The following ZNF446 variants were observed in gnomAD, a reference collection of about 807,000 sequenced individuals.
ZNF446 encodes the protein zinc finger protein 446, also known as zinc finger protein with KRAB and SCAN domains 20.
A neutral mutation model predicts 34.0 loss-of-function variants in ZNF446; 42 were observed. The observed-to-expected ratio is 1.23, with a 90% CI of 0.96 to 1.60. The LOEUF (loss-of-function observed/expected upper bound fraction) is 1.60, where lower values mean the gene tolerates loss of function less well. Among genes scored for constraint, ZNF446 ranks in the 40% most tolerant of loss-of-function variants. The pLI, the probability that ZNF446 is intolerant of heterozygous loss-of-function variation, is 0.00. For missense variants in ZNF446, 650 were observed against 600.2 expected (o/e 1.08, Z -0.87); for synonymous variants, 315 against 251.0 (o/e 1.25, Z -2.41).
the ZNF446 span, among the ~76,000 whole-genome samples, chr19:58,486,707 CT>C: frequency 2.1e-5 from 3 of 143,366 alleles, no homozygotes; most frequent in East Asian, 2.0e-4. Context: ...CCGCACCCAG[CT>C]TTTTTTTTTG....
At chr19:58,488,906 A>G in the ZNF446 span, among the ~76,000 whole-genome samples, 75,633 of 150,354 alleles carry the variant, frequency 0.5, 19,882 homozygotes, top group African/African-American at 0.66. Context: ...TGGTGAGGAA[A>G]TGAATACCAG....
chr19:58,487,487 C>A, the ZNF446 span, among the ~76,000 whole-genome samples: 8 of 152,060 alleles, frequency 5.3e-5, no homozygotes, highest in African/African-American at 1.9e-4. Flanking sequence ...ACCAAAAAAA[C>A]CCTCGACAAA....
rs1013825435 is a variant in ZNF446, at chr19:58,480,803, ACT to A, written c.*80_*81del. ...ACAGCCTCTGGGGCACCAGCAGAAG[ACT>A]CTGGAGGCAGCAGGGGATGCCAGAG... On this transcript the variant is annotated 3_prime_UTR_variant, in exon 7 of 7. Transcript: ENST00000594369. The surrounding 1 kb of genome is among the most constrained non-coding windows in gnomAD (Gnocchi z 7.2). 2 of 1,507,272 alleles carry A rather than the reference ACT, an allele frequency of 1.3e-6. No homozygotes were observed. Among genetic ancestry groups the A allele is most frequent in the African/African-American group, 1.4e-5 (1 of 72,566 alleles). The allele number at this position is 1,507,272 out of a possible 1,614,324, so 93.4% of individuals were successfully genotyped here.
the ZNF446 span, among the ~76,000 whole-genome samples, chr19:58,488,867 A>AAAC: frequency 6.8e-6 from 1 of 147,850 alleles, no homozygotes; most frequent in Non-Finnish European, 1.5e-5. Flanking sequence ...AAAAAAAACA[A>AAAC]AAAAATACAA....
At chr19:58,487,600 G>T in the ZNF446 span, among the ~76,000 whole-genome samples, 2 of 151,988 alleles carry the variant, frequency 1.3e-5, no homozygotes, top group South Asian at 4.1e-4. Context: ...CTTGAGGTCA[G>T]GAGTTCAAGA....
At chr19:58,477,878 AT>A in intron 3 of ZNF446, 52 bp downstream of exon 3, 1 of 1,465,672 alleles carries the variant, frequency 6.8e-7, no homozygotes, top group Non-Finnish European at 9.1e-7. Context: ...AAGTGTGGAC[AT>A]TCCTGGCTAG....
In ZNF446 at chr19:58,480,765, T is replaced by C. The variant is rs745376408; in HGVS notation, c.*39T>C. 3 of 1,573,400 alleles carry C rather than the reference T, an allele frequency of 1.9e-6. No homozygotes were observed. The highest frequency in any genetic ancestry group is 2.3e-5 in the South Asian group (2 of 88,334). ...ACAGTCCCTCGGGGCCTCGGTGTTCTCGGGGCCTGGATACAGCCTCTGGGG... is the reference window on the plus strand; with the variant it reads ...ACAGTCCCTCGGGGCCTCGGTGTTCCCGGGGCCTGGATACAGCCTCTGGGG... On this transcript the variant is annotated 3_prime_UTR_variant, in exon 7 of 7. Transcript: ENST00000594369. The surrounding 1 kb of genome is among the most constrained non-coding windows in gnomAD (Gnocchi z 7.2).
Position 58,480,059 on chromosome 19 carries a change from G to C in ZNF446, c.802+40G>C. On this transcript the variant is annotated intron_variant, in intron 6 of 6. Coordinates refer to ENST00000594369, the MANE Select transcript of ZNF446 (RefSeq NM_017908.4). The surrounding 1 kb of genome is among the most constrained non-coding windows in gnomAD (Gnocchi z 7.2). The stretch of plus-strand genomic sequence containing the variant: ...CCATCCAGCCTGAATCACCCCTCCT[G>C]TATCGGTGGGACCTGAGCCACCCAC... 1 of 1,562,762 alleles carries C rather than the reference G, an allele frequency of 6.4e-7. No individual in the cohort carries two copies. Among genetic ancestry groups the C allele is most frequent in the Non-Finnish European group, 8.6e-7 (1 of 1,160,256 alleles).
Sources: allele counts gnomAD v4.1 joint callset (sites outside exome capture counted in the v4.1 genomes callset), GRCh38; gene constraint gnomAD v4.1.1; non-coding constraint Gnocchi (gnomAD v3.1); transcripts MANE v1.5; gene names NCBI Gene and HGNC (gene_info 2026-07-23, HGNC 2026-07-21).